The following PTP4A3 variants were observed in gnomAD, a reference collection of about 807,000 sequenced individuals.
PTP4A3 encodes the protein protein tyrosine phosphatase type IVA 3.
PTP4A3 carries 9 observed loss-of-function variants against 15.2 expected under a neutral mutation model. That is an observed-to-expected ratio of 0.59 (90% CI 0.36 to 1.03). The LOEUF (loss-of-function observed/expected upper bound fraction) is 1.03. PTP4A3 is among the 50% of genes least tolerant of loss of function. The pLI is 0.02. For missense variants in PTP4A3, 234 were observed against 252.1 expected (o/e 0.93, Z 0.49); for synonymous variants, 95 against 102.0 (o/e 0.93, Z 0.41).
intron 1 of PTP4A3, among the ~76,000 whole-genome samples, chr8:141,399,136 C>T (rs1396952650): frequency 6.6e-6 from 1 of 152,178 alleles, no homozygotes; most frequent in Non-Finnish European, 1.5e-5. Context: ...TGTCACCACC[C>T]CTCCTGTGGC....
intron 2 of PTP4A3, 124 bp from the exon 3 acceptor site, chr8:141,424,924 A>G (rs930180791): frequency 1.0e-5 from 8 of 780,646 alleles, no homozygotes; most frequent in African/African-American, 1.7e-5. Context: ...CTGAGGGGAC[A>G]TGTCCAAGTC....
chr8:141,395,212 C>A (rs544400819), intron 1 of PTP4A3, among the ~76,000 whole-genome samples: 3 of 152,186 alleles, frequency 2.0e-5, no homozygotes, highest in Non-Finnish European at 4.4e-5. Context: ...AGAGAGTGTG[C>A]GCGTGTCTCC....
At chr8:141,427,301 ATC>A (rs1333894354) in intron 4 of PTP4A3, among the ~76,000 whole-genome samples, 1 of 152,134 alleles carries the variant, frequency 6.6e-6, no homozygotes, top group Non-Finnish European at 1.5e-5. Flanking sequence ...CCATCCTGAC[ATC>A]TTGTGTAGGA....
chr8:141,430,348 G>A (rs1178152303), intron 5 of PTP4A3, among the ~76,000 whole-genome samples: 1 of 147,872 alleles, frequency 6.8e-6, no homozygotes, highest in Non-Finnish European at 1.5e-5. Flanking sequence ...GGTCCCCGCT[G>A]TAAGGACCCG....
At chr8:141,427,121 G>A (rs1340185137) in intron 4 of PTP4A3, 52 bp downstream of exon 4, 28 of 1,575,276 alleles carry the variant, frequency 1.8e-5, no homozygotes, top group African/African-American at 2.7e-5. Context: ...TGGGCATCTC[G>A]TGGTCTGACA....
chr8:141,427,693 C>A, intron 4 of PTP4A3, 57 bp from the exon 5 acceptor site: 1 of 1,456,912 alleles, frequency 6.9e-7, no homozygotes, highest in Non-Finnish European at 9.3e-7. Context: ...AGGTGCCCTG[C>A]CAAGGGGACA....
chr8:141,424,253 A>G (rs1401657499), intron 2 of PTP4A3, among the ~76,000 whole-genome samples: 1 of 152,162 alleles, frequency 6.6e-6, no homozygotes, highest in Non-Finnish European at 1.5e-5. Flanking sequence ...CTACGAGAGC[A>G]GGTGGGGTGG....
At position 141,426,935 on chromosome 8, in the gene PTP4A3, G is replaced by A. The variant is rs557612532; in HGVS notation, c.199-4G>A. ...GGGGTCCTCATGTCTGCTTCCCTCC[G>A]TAGGACTGGCCGTTTGACGATGGGG... On this transcript the variant is annotated splice_region_variant and splice_polypyrimidine_tract_variant and intron_variant, in intron 3 of 5. Coordinates refer to ENST00000521578, the MANE Select transcript of PTP4A3 (RefSeq NM_032611.3). 67 of 1,611,044 alleles carry A rather than the reference G, an allele frequency of 4.2e-5. No individual in the cohort carries two copies. The highest frequency in any genetic ancestry group is 4.9e-5 in the Non-Finnish European group (58 of 1,179,718).
chr8:141,426,177 C>T (rs954811440), intron 3 of PTP4A3, among the ~76,000 whole-genome samples: 1 of 152,140 alleles, frequency 6.6e-6, no homozygotes, highest in Non-Finnish European at 1.5e-5. Context: ...GCGGGCTCTC[C>T]CTGGTACCAG....
At chr8:141,424,178 G>GTT (rs1214326557) in intron 2 of PTP4A3, among the ~76,000 whole-genome samples, 3 of 152,224 alleles carry the variant, frequency 2.0e-5, no homozygotes, top group African/African-American at 7.2e-5. Flanking sequence ...GCCTCTCTGT[G>GTT]TTCCAGGTCC....
intron 1 of PTP4A3, among the ~76,000 whole-genome samples, chr8:141,397,691 C>A (rs1232604342): frequency 2.6e-5 from 4 of 152,240 alleles, no homozygotes; most frequent in Non-Finnish European, 5.9e-5. Flanking sequence ...TGGTTTCGAC[C>A]TCTTTGGGAC....
rs143879463 is a variant in PTP4A3 at position 141,413,274 on chromosome 8, C to G, written c.-853-8114C>G. ...ACTGGGGCGGGGAGAGGCTCCTTCTCAGAGGCTGTGAGCTCCGAATGAAAC... is the reference window on the plus strand; with the variant it reads ...ACTGGGGCGGGGAGAGGCTCCTTCTGAGAGGCTGTGAGCTCCGAATGAAAC... On this transcript the variant is annotated intron_variant, in intron 1 of 5. Transcript: ENST00000521578. 4.1e-3 allele frequency among the ~76,000 whole-genome samples: 627 copies of G among 152,318 alleles called. 8 individuals carry two copies. Among genetic ancestry groups the G allele is most frequent in the Middle Eastern group, 0.014 (4 of 294 alleles).
intron 1 of PTP4A3, among the ~76,000 whole-genome samples, chr8:141,405,547 C>G (rs555055486): frequency 2.0e-5 from 3 of 152,222 alleles, no homozygotes; most frequent in South Asian, 2.1e-4. Context: ...TCATCCATCA[C>G]TGAGGATGCT....
At chr8:141,418,213 G>T (rs1388135843) in intron 1 of PTP4A3, among the ~76,000 whole-genome samples, 1 of 152,200 alleles carries the variant, frequency 6.6e-6, no homozygotes, top group East Asian at 1.9e-4. Flanking sequence ...AGCCCTGACC[G>T]CGGCGCAGCT....
chr8:141,422,819 G>A (rs1160780985), intron 2 of PTP4A3, among the ~76,000 whole-genome samples: 4 of 152,326 alleles, frequency 2.6e-5, no homozygotes, highest in East Asian at 3.9e-4. Flanking sequence ...AAGGGTCAGC[G>A]CTGACCACAG....
intron 1 of PTP4A3, among the ~76,000 whole-genome samples, chr8:141,416,674 G>A (rs904064604): frequency 7.9e-5 from 12 of 152,132 alleles, no homozygotes; most frequent in Admixed American, 7.9e-4. Context: ...GGGCTACCTG[G>A]CTTGGTGTGC....
intron 5 of PTP4A3, among the ~76,000 whole-genome samples, chr8:141,428,974 G>A (rs1252525768): frequency 6.6e-6 from 1 of 152,214 alleles, no homozygotes; most frequent in African/African-American, 2.4e-5. Context: ...CCCACCCCAC[G>A]TCTCACCGAG....
intron 1 of PTP4A3, among the ~76,000 whole-genome samples, chr8:141,417,855 C>T (rs1420751970): frequency 2.0e-5 from 3 of 152,000 alleles, no homozygotes; most frequent in Non-Finnish European, 2.9e-5. Flanking sequence ...CCGCCGGTCA[C>T]GCCCCCCACG....
rs1833605513 is a variant in PTP4A3 at position 141,427,002 on chromosome 8, G to GT, written c.263dup (p.Lys89GlufsTer6). 6.2e-7 allele frequency: 1 copy of GT among 1,606,358 alleles called. No homozygotes were observed. The highest frequency in any genetic ancestry group is 1.3e-5 in the African/African-American group (1 of 74,948). On this transcript the variant is annotated frameshift_variant, in exon 4 of 6. Coordinates refer to ENST00000521578, the MANE Select transcript of PTP4A3 (RefSeq NM_032611.3). LOFTEE classifies it high-confidence loss of function. ...GGTAGTGGAAGACTGGCTGAGCCTG[G>GT]TGAAGGCCAAGTTCTGTGAGGCCCC...
Sources: gnomAD v4.1 joint callset for allele counts (sites outside exome capture counted in the v4.1 genomes callset) on GRCh38, gnomAD v4.1.1 for gene constraint, MANE v1.5 for transcripts, NCBI Gene and HGNC (gene_info 2026-07-23, HGNC 2026-07-21) for gene names.